Variants in ATXN1 observed in about 807,000 individuals in gnomAD.
ATXN1 encodes the protein ataxin 1, also known as ataxin-1.
Under a neutral mutation model 56.4 loss-of-function variants are expected in ATXN1, and 8 were observed. That is an observed-to-expected ratio of 0.14 (90% CI 0.08 to 0.26). The LOEUF is 0.26. Ranked by LOEUF, ATXN1 falls within the 10% of genes least tolerant of loss-of-function variation. The pLI is 1.00. For missense variants in ATXN1, 987 were observed against 1,106.5 expected, an observed-to-expected ratio of 0.89 and a Z score of 1.53; for synonymous variants, 514 against 494.6, an observed-to-expected ratio of 1.04 and a Z score of -0.52.
intron 6 of ATXN1, among the ~76,000 whole-genome samples, chr6:16,400,269 C>T (rs1037794438): frequency 5.9e-5 from 9 of 152,222 alleles, no homozygotes; most frequent in Admixed American, 6.5e-5. Context: ...TCAGAACATT[C>T]TCTCCAACCC....
chr6:16,467,941 T>C (rs1472349727), intron 6 of ATXN1, among the ~76,000 whole-genome samples: 1 of 152,212 alleles, frequency 6.6e-6, no homozygotes, highest in Non-Finnish European at 1.5e-5. Context: ...GATATTCTCT[T>C]GGTAAAGACA....
intron 6 of ATXN1, among the ~76,000 whole-genome samples, chr6:16,457,693 C>A (rs1030288175): frequency 6.6e-6 from 1 of 152,094 alleles, no homozygotes; most frequent in African/African-American, 2.4e-5. Flanking sequence ...GAAGGATAAT[C>A]CACAACTATG....
chr6:16,595,278 T>C (rs1762794802), intron 3 of ATXN1, among the ~76,000 whole-genome samples: 2 of 152,156 alleles, frequency 1.3e-5, no homozygotes, highest in African/African-American at 4.8e-5. Flanking sequence ...TAAAGGAAAA[T>C]GATTCTTTCC....
chr6:16,738,283 G>C (rs946622487), intron 2 of ATXN1: 3 of 152,146 alleles, frequency 2.0e-5, no homozygotes, highest in Admixed American at 1.3e-4. Context: ...CCTTTGCTGG[G>C]GGCTCTCAAT....
chr6:16,489,358 A>G (rs2113660000), intron 5 of ATXN1, among the ~76,000 whole-genome samples: 1 of 152,314 alleles, frequency 6.6e-6, no homozygotes, highest in Non-Finnish European at 1.5e-5. Context: ...GGGACTTGAA[A>G]GTCTGATGAT....
rs770119082 is a variant in ATXN1 at position 16,306,295 on chromosome 6, G to C, written c.*34C>G. On this transcript the variant is annotated 3_prime_UTR_variant, in exon 8 of 8. Transcript: ENST00000436367. The surrounding 1 kb of genome is among the most constrained non-coding windows in gnomAD (Gnocchi z 5.2). ...ACAGTAATCTGGATACAAATGATAA[G>C]GGAGAGCCACGTTTCCTTTCCCCCA... The C allele has an allele frequency of 2.6e-6, 4 of 1,563,080 alleles. No individual in the cohort carries two copies. In the Admixed American group the frequency reaches 5.4e-5, roughly 21 times the overall value.
At chr6:16,569,769 T>A (rs565720994) in intron 4 of ATXN1, among the ~76,000 whole-genome samples, 1 of 152,136 alleles carries the variant, frequency 6.6e-6, no homozygotes, top group African/African-American at 2.4e-5. Context: ...TTACCTGCAG[T>A]TGACTATGTC....
chr6:16,343,267 C>A (rs1458372191), intron 6 of ATXN1, among the ~76,000 whole-genome samples: 1 of 152,118 alleles, frequency 6.6e-6, no homozygotes, highest in Non-Finnish European at 1.5e-5. Context: ...ATGGCGTGAA[C>A]CTGGGAGGCA....
At chr6:16,697,916 G>A (rs1254586171) in intron 2 of ATXN1, among the ~76,000 whole-genome samples, 2 of 152,180 alleles carry the variant, frequency 1.3e-5, no homozygotes, top group African/African-American at 2.4e-5. Flanking sequence ...CGACTAGGAA[G>A]AGGCCCACTC....
intron 5 of ATXN1, among the ~76,000 whole-genome samples, chr6:16,493,876 A>G (rs1022958338): frequency 2.6e-5 from 4 of 152,140 alleles, no homozygotes; most frequent in Non-Finnish European, 4.4e-5. Context: ...TCTTTTTCCA[A>G]CTCAGAACTA....
At chr6:16,413,277 C>T (rs1342860105) in intron 6 of ATXN1, among the ~76,000 whole-genome samples, 1 of 152,150 alleles carries the variant, frequency 6.6e-6, no homozygotes, top group Non-Finnish European at 1.5e-5. Flanking sequence ...AAACCCAGGC[C>T]TGTCTAGTTC....
At chr6:16,380,714 C>G in intron 6 of ATXN1, among the ~76,000 whole-genome samples, 1 of 152,124 alleles carries the variant, frequency 6.6e-6, no homozygotes, top group East Asian at 1.9e-4. Flanking sequence ...AAGAGGGCCC[C>G]GTTACCTCAA....
chr6:16,656,869 C>T (rs999186518), intron 3 of ATXN1, among the ~76,000 whole-genome samples: 8 of 152,106 alleles, frequency 5.3e-5, no homozygotes, highest in African/African-American at 1.4e-4. Context: ...CAAACCTGGA[C>T]GGCATGCTAC....
chr6:16,744,474 G>C (rs1050535146), intron 2 of ATXN1, among the ~76,000 whole-genome samples: 1 of 152,082 alleles, frequency 6.6e-6, no homozygotes, highest in African/African-American at 2.4e-5. Flanking sequence ...TAGTCAGGGA[G>C]GCTGCCAGAC....
intron 6 of ATXN1, among the ~76,000 whole-genome samples, chr6:16,378,740 T>C (rs1435569128): frequency 1.3e-5 from 2 of 151,966 alleles, no homozygotes; most frequent in Admixed American, 6.6e-5. Context: ...TTAACTTTTT[T>C]GTAAAGACAA....
chr6:16,404,314 C>T (rs986134959), intron 6 of ATXN1, among the ~76,000 whole-genome samples: 4 of 152,152 alleles, frequency 2.6e-5, no homozygotes, highest in African/African-American at 9.7e-5. Flanking sequence ...AAAGGAAGTA[C>T]TGGACCAAAG....
At chr6:16,751,590 A>G (rs1217117061) in intron 2 of ATXN1, among the ~76,000 whole-genome samples, 1 of 11,884 alleles carries the variant, frequency 8.4e-5, no homozygotes, top group African/African-American at 4.6e-3. Context: ...CAACAATCTA[A>G]AAAAAAAAAA....
intron 1 of ATXN1, chr6:16,754,537 ACACT>A (rs1367239890): frequency 6.6e-6 from 1 of 152,202 alleles, no homozygotes; most frequent in Admixed American, 6.5e-5. Context: ...TCATCCATAC[ACACT>A]CACTATTTTT....
chr6:16,663,076 G>A (rs1375544461), intron 2 of ATXN1, among the ~76,000 whole-genome samples: 4 of 149,602 alleles, frequency 2.7e-5, no homozygotes, highest in African/African-American at 4.9e-5. Flanking sequence ...GGGTTCAAGC[G>A]ATTCTCCTGC....
Sources: allele counts gnomAD v4.1 joint callset (sites outside exome capture counted in the v4.1 genomes callset), GRCh38; gene constraint gnomAD v4.1.1; non-coding constraint Gnocchi (gnomAD v3.1); transcripts MANE v1.5; gene names NCBI Gene and HGNC (gene_info 2026-07-23, HGNC 2026-07-21).